ZNF462: variants seen among roughly 807,000 people sequenced by gnomAD.
ZNF462 encodes the protein zinc finger protein 462.
ZNF462 carries 10 observed loss-of-function variants against 201.9 expected under a neutral mutation model. That is an observed-to-expected ratio of 0.05 (90% CI 0.03 to 0.08). The LOEUF is 0.08. Ranked by LOEUF, ZNF462 falls within the 10% of genes least tolerant of loss-of-function variation. The probability of loss-of-function intolerance (pLI) is 1.00; values close to 1 mark genes in which losing one functional copy is unlikely to be tolerated. For missense variants in ZNF462, 2,523 were observed against 3,168.3 expected (o/e 0.80, Z 4.89); for synonymous variants, 1,227 against 1,193.3 (o/e 1.03, Z -0.58).
rs928348887 is a variant in ZNF462 at position 106,950,400 on chromosome 9, A to G, written c.6427+11293A>G. Reference sequence around the variant, plus strand: ...AAATGGAGTGAGCAGCTGTGTGGTTAGTAGCTGTGGCAATCACAAATTATT... The same window carrying G: ...AAATGGAGTGAGCAGCTGTGTGGTTGGTAGCTGTGGCAATCACAAATTATT... On this transcript the variant is annotated intron_variant, in intron 7 of 12. Transcript: ENST00000277225. The surrounding 1 kb of genome is among the most constrained non-coding windows in gnomAD (Gnocchi z 4.1). 3.3e-5 allele frequency among the ~76,000 whole-genome samples: 5 copies of G among 152,340 alleles called. No individual in the cohort carries two copies. Among genetic ancestry groups the G allele is most frequent in the Middle Eastern group, 3.4e-3 (1 of 294 alleles).
chr9:106,880,592 T>C lies in ZNF462; in HGVS notation c.-31+17237T>C, dbSNP rs972814734. Reference sequence around the variant, plus strand: ...AATTTCAGTGATCCTGCCTTTCTGGTGTCAGTTTTGTGGAGCTGCTAGAAT... The same window carrying C: ...AATTTCAGTGATCCTGCCTTTCTGGCGTCAGTTTTGTGGAGCTGCTAGAAT... On this transcript the variant is annotated intron_variant, in intron 1 of 12. Coordinates refer to ENST00000277225, the MANE Select transcript of ZNF462 (RefSeq NM_021224.6). The surrounding 1 kb of genome is among the most constrained non-coding windows in gnomAD (Gnocchi z 4.1). Among the ~76,000 whole-genome samples, 2 of 152,242 alleles carry C rather than the reference T, an allele frequency of 1.3e-5. No individual in the cohort carries two copies. The highest frequency in any genetic ancestry group is 2.9e-5 in the Non-Finnish European group (2 of 68,044).
In ZNF462 at chr9:107,009,583, A is replaced by C; in HGVS notation, c.7228A>C (p.Thr2410Pro). The C allele has an allele frequency of 6.2e-7, 1 of 1,613,944 alleles. No individual in the cohort carries two copies. The highest frequency in any genetic ancestry group is 8.5e-7 in the Non-Finnish European group (1 of 1,179,948). Reference protein sequence around the residue: ...RFSDHGAALNTEKRFPCEFCG... With the variant: ...RFSDHGAALNPEKRFPCEFCG... ...TTCTGACCACGGGGCTGCTCTTAACACTGAGAAGCGTTTTCCATGTGAATT... is the reference window on the plus strand; with the variant it reads ...TTCTGACCACGGGGCTGCTCTTAACCCTGAGAAGCGTTTTCCATGTGAATT... Residue 2410 changes from threonine to proline, a missense_variant, in exon 12 of 13, where the codon ACT (threonine) becomes CCT (proline). Thr to Pro is a conservative substitution (Grantham distance 38). Around this residue, in one of 15 missense-constraint regions of ZNF462, gnomAD observed 228 missense variants for 361.2 expected, o/e 0.63. Transcript: ENST00000277225. The surrounding 1 kb of genome is among the most constrained non-coding windows in gnomAD (Gnocchi z 6.1).
In ZNF462 at chr9:106,933,288, A is replaced by G. The variant is rs1830497205; in HGVS notation, c.6116+739A>G. ...TTTTTAATGAAATAAATGATGGACT[A>G]TTTGCTTCTTACAAAAGATAAAGGG... On this transcript the variant is annotated intron_variant, in intron 5 of 12. Transcript: ENST00000277225. The surrounding 1 kb of genome is among the most constrained non-coding windows in gnomAD (Gnocchi z 4.3). The G allele has an allele frequency of 6.6e-6, 1 of 152,506 alleles. No homozygotes were observed. The highest frequency in any genetic ancestry group is 1.5e-5 in the Non-Finnish European group (1 of 68,276). The allele number at this position is 152,506 out of a possible 1,614,324, so 9.4% of individuals were successfully genotyped here.
At chr9:106,863,075 G>GA (rs1827125778), upstream of ZNF462, 1 of 396,438 alleles carries the variant, frequency 2.5e-6, no homozygotes, top group South Asian at 1.3e-4. Context: ...AGAGGAGAGA[G>GA]AGGGGAGAGA....
rs1395749610 is a variant in ZNF462, at chr9:106,920,258, C to T, written c.-30-3096C>T. Among the ~76,000 whole-genome samples the T allele has an allele frequency of 6.6e-6, 1 of 152,102 alleles. No homozygotes were observed. The highest frequency in any genetic ancestry group is 1.5e-5 in the Non-Finnish European group (1 of 68,040). ...TTTTGTCTCTGTCCTTCTCTACTCC[C>T]TTCCCCTCCACTTGCTGTCACTTTT... On this transcript the variant is annotated intron_variant, in intron 1 of 12. Coordinates refer to ENST00000277225, the MANE Select transcript of ZNF462 (RefSeq NM_021224.6). The surrounding 1 kb of genome is among the most constrained non-coding windows in gnomAD (Gnocchi z 4.3).
At chr9:106,892,713 C>CAA (rs976943819) in intron 1 of ZNF462, among the ~76,000 whole-genome samples, 2 of 151,838 alleles carry the variant, frequency 1.3e-5, no homozygotes, top group African/African-American at 4.8e-5. Context: ...CGCACACACA[C>CAA]ACACACACAC....
intron 1 of ZNF462, among the ~76,000 whole-genome samples, chr9:106,867,707 A>C (rs1041075919): frequency 4.6e-5 from 7 of 152,206 alleles, no homozygotes; most frequent in Non-Finnish European, 8.8e-5. Flanking sequence ...GGAATGGTAA[A>C]GTTGCAATGG....
intron 10 of ZNF462, among the ~76,000 whole-genome samples, chr9:106,991,841 C>T (rs1206582120): frequency 5.5e-4 from 21 of 37,940 alleles, no homozygotes; most frequent in African/African-American, 3.3e-3. Context: ...GCACTCTCTA[C>T]ACACACACAC....
intron 7 of ZNF462, among the ~76,000 whole-genome samples, chr9:106,960,089 G>A (rs377455012): frequency 5.9e-5 from 9 of 152,168 alleles, no homozygotes; most frequent in South Asian, 4.2e-4. Flanking sequence ...AATTTTAGAA[G>A]AGCTCTGTGC....
Position 106,919,553 on chromosome 9 carries a change from C to T in ZNF462, c.-30-3801C>T, listed in dbSNP as rs564810641. ...CATCATCTCTGGATGTTCTTTATATCTTAAAGAGTTTGTCAAACATAAACA... is the reference window on the plus strand; with the variant it reads ...CATCATCTCTGGATGTTCTTTATATTTTAAAGAGTTTGTCAAACATAAACA... On this transcript the variant is annotated intron_variant, in intron 1 of 12. Coordinates refer to ENST00000277225, the MANE Select transcript of ZNF462 (RefSeq NM_021224.6). The surrounding 1 kb of genome is among the most constrained non-coding windows in gnomAD (Gnocchi z 4.5). Among the ~76,000 whole-genome samples, 1 of 152,296 alleles carries T rather than the reference C, an allele frequency of 6.6e-6. No homozygotes were observed. The highest frequency in any genetic ancestry group is 2.1e-4 in the South Asian group (1 of 4,826).
At chr9:106,991,171 C>CA (rs1422386281) in intron 10 of ZNF462, among the ~76,000 whole-genome samples, 1 of 150,830 alleles carries the variant, frequency 6.6e-6, no homozygotes, top group Non-Finnish European at 1.5e-5. Flanking sequence ...GCAGAATCTA[C>CA]AAAAAAAAGC....
chr9:106,899,256 G>A (rs1828953867), intron 1 of ZNF462, among the ~76,000 whole-genome samples: 1 of 141,188 alleles, frequency 7.1e-6, no homozygotes, highest in Non-Finnish European at 1.5e-5. Context: ...GGGGGGGTGT[G>A]TGCATGCATG....
chr9:106,910,733 C>T (rs974930604), intron 1 of ZNF462, among the ~76,000 whole-genome samples: 2 of 151,204 alleles, frequency 1.3e-5, no homozygotes, highest in African/African-American at 4.9e-5. Context: ...CCCAGCCAAG[C>T]CTTTGTTAGC....
chr9:106,965,827 G>A (rs1246057214), intron 7 of ZNF462, among the ~76,000 whole-genome samples: 2 of 152,036 alleles, frequency 1.3e-5, no homozygotes, highest in African/African-American at 4.8e-5. Flanking sequence ...CTGGATCACT[G>A]TCGCATACAT....
At chr9:106,992,935 A>C (rs1344417734) in intron 10 of ZNF462, among the ~76,000 whole-genome samples, 3 of 152,120 alleles carry the variant, frequency 2.0e-5, no homozygotes, top group Non-Finnish European at 2.9e-5. Context: ...TATGACGTTC[A>C]TCCTGAGAAC....
intron 1 of ZNF462, among the ~76,000 whole-genome samples, chr9:106,912,307 T>A (rs1829585022): frequency 6.6e-6 from 1 of 152,256 alleles, no homozygotes; most frequent in Non-Finnish European, 1.5e-5. Context: ...CTTCTGTGTA[T>A]ACCTTTGTCA....
chr9:106,982,484 A>G (rs561591638), intron 9 of ZNF462, among the ~76,000 whole-genome samples: 1 of 151,474 alleles, frequency 6.6e-6, no homozygotes, highest in African/African-American at 2.4e-5. Flanking sequence ...ATGCCAAAGC[A>G]TTTTTTTTTC....
chr9:106,863,576 A>G (rs1390562159), intron 1 of ZNF462, among the ~76,000 whole-genome samples: 2 of 147,188 alleles, frequency 1.4e-5, no homozygotes, highest in Admixed American at 1.3e-4. Context: ...GGGGAGGAGG[A>G]AGAGGAGGAG....
intron 1 of ZNF462, among the ~76,000 whole-genome samples, chr9:106,907,755 C>A (rs116826589): frequency 2.0e-5 from 3 of 151,816 alleles, no homozygotes; most frequent in African/African-American, 7.3e-5. Flanking sequence ...ATCTTTTCTT[C>A]GACTTTTCTT....
Sources: gnomAD v4.1 joint callset for allele counts (sites outside exome capture counted in the v4.1 genomes callset) on GRCh38, gnomAD v4.1.1 for gene constraint, gnomAD v4.1.1 regional missense constraint, Gnocchi (gnomAD v3.1) non-coding constraint, MANE v1.5 for transcripts, NCBI Gene and HGNC (gene_info 2026-07-23, HGNC 2026-07-21) for gene names.